The following RNF24 variants were observed in gnomAD, a reference collection of about 807,000 sequenced individuals.
The protein encoded by RNF24 is ring finger protein 24.
In RNF24, 14 loss-of-function variants were observed where a neutral mutation model predicts 20.0. The observed-to-expected ratio is 0.70, with a 90% CI of 0.46 to 1.10. The LOEUF (loss-of-function observed/expected upper bound fraction) is 1.10, where lower values mean the gene tolerates loss of function less well. Ranked by LOEUF, RNF24 falls within the 50% of genes least tolerant of loss-of-function variation. The pLI is 0.00. For synonymous variants in RNF24, 45 were observed against 61.1 expected (o/e 0.74, Z 1.23); for missense variants, 124 against 177.6 (o/e 0.70, Z 1.71).
At chr20:3,966,354 TG>T (rs1236577934) in intron 1 of RNF24, among the ~76,000 whole-genome samples, 1 of 151,906 alleles carries the variant, frequency 6.6e-6, no homozygotes, top group East Asian at 1.9e-4. Flanking sequence ...AATGGGATAA[TG>T]GGATATTCAA....
intron 1 of RNF24, among the ~76,000 whole-genome samples, chr20:3,966,133 C>CAAAA (rs574975352): frequency 2.5e-5 from 2 of 81,468 alleles, no homozygotes; most frequent in African/African-American, 5.0e-5. Context: ...GATTCCATCT[C>CAAAA]AAAAAAAAAA....
chr20:3,945,227 CA>C lies in RNF24; in HGVS notation c.187-10del. 1 of 1,581,970 alleles carries C rather than the reference CA, an allele frequency of 6.3e-7. No individual in the cohort carries two copies. On this transcript the variant is annotated splice_polypyrimidine_tract_variant and intron_variant, in intron 3 of 5. Transcript: ENST00000358395. The stretch of plus-strand genomic sequence containing the variant: ...TTCTCTTTTAATATAACCTGTAAGA[CA>C]AAAAAGTATGTTCTTATGCCCATTT...
chr20:3,934,223 G>T lies in RNF24; in HGVS notation c.309-22C>A, dbSNP rs762710901. 1.2e-6 allele frequency: 2 copies of T among 1,600,948 alleles called. No homozygotes were observed. Among genetic ancestry groups the T allele is most frequent in the South Asian group, 2.2e-5 (2 of 90,204 alleles). On this transcript the variant is annotated intron_variant, in intron 5 of 5. Transcript: ENST00000358395. The surrounding 1 kb of genome is among the most constrained non-coding windows in gnomAD (Gnocchi z 4.0). ...GCACCTGCAGAAGGAGACACCACAG[G>T]GGGAAGATGTCAGTCCTATGCTCAT...
chr20:3,976,833 G>A (rs1978907476), intron 1 of RNF24, among the ~76,000 whole-genome samples: 1 of 152,140 alleles, frequency 6.6e-6, no homozygotes, highest in African/African-American at 2.4e-5. Flanking sequence ...TCCCTGATGT[G>A]ATGGAAACCT....
At chr20:3,944,810 C>G (rs1568619134) in intron 4 of RNF24, among the ~76,000 whole-genome samples, 1 of 152,146 alleles carries the variant, frequency 6.6e-6, no homozygotes, top group South Asian at 2.1e-4. Context: ...TAACTGCTCT[C>G]TTTTTTGTAC....
At position 3,964,026 on chromosome 20, in the gene RNF24, T is replaced by C; in HGVS notation, c.-7-2A>G. 1.2e-6 allele frequency: 2 copies of C among 1,610,178 alleles called. No homozygotes were observed. Among genetic ancestry groups the C allele is most frequent in the Non-Finnish European group, 1.7e-6 (2 of 1,178,864 alleles). Reference sequence around the variant, plus strand: ...GGGAAATCCGAGCTCATGGATGAACTGTGGGGGAAGAAAAGAATGGAAAAA... The same window carrying C: ...GGGAAATCCGAGCTCATGGATGAACCGTGGGGGAAGAAAAGAATGGAAAAA... On this transcript the variant is annotated splice_acceptor_variant, in intron 1 of 5. Coordinates refer to ENST00000358395, the MANE Select transcript of RNF24 (RefSeq NM_001134337.3). LOFTEE classifies it low-confidence loss of function (5UTR_SPLICE).
chr20:3,992,968 C>G lies in RNF24; in HGVS notation c.-8+22469G>C, dbSNP rs1980574292. On this transcript the variant is annotated intron_variant, in intron 1 of 5. Coordinates refer to ENST00000358395, the MANE Select transcript of RNF24 (RefSeq NM_001134337.3). ...ATAAGCACAATTTTAAATATATCAT[C>G]TATGGATTTTGATTACATCCAATGT... is the stretch of plus-strand genomic sequence containing the variant. Among the ~76,000 whole-genome samples the G allele has an allele frequency of 5.9e-5, 9 of 152,136 alleles. No individual in the cohort carries two copies. The South Asian group carries it at 1.9e-3, about 31-fold the overall frequency.
intron 1 of RNF24, among the ~76,000 whole-genome samples, chr20:3,974,614 G>T (rs1021914842): frequency 3.3e-5 from 5 of 151,974 alleles, no homozygotes; most frequent in Non-Finnish European, 7.4e-5. Flanking sequence ...AATTAGCAAT[G>T]AACATAGGAA....
At chr20:3,959,433 C>A (rs796878099) in intron 2 of RNF24, among the ~76,000 whole-genome samples, 4 of 151,988 alleles carry the variant, frequency 2.6e-5, no homozygotes, top group African/African-American at 9.6e-5. Context: ...ATAACTGTAG[C>A]CCCAAAATTT....
chr20:3,943,947 C>T (rs931149754), intron 4 of RNF24, among the ~76,000 whole-genome samples: 4 of 152,126 alleles, frequency 2.6e-5, no homozygotes, highest in Non-Finnish European at 5.9e-5. Flanking sequence ...CCGTGGCTCA[C>T]GCTTGTAATC....
chr20:3,986,119 G>A (rs977869630), intron 1 of RNF24, among the ~76,000 whole-genome samples: 1 of 152,070 alleles, frequency 6.6e-6, no homozygotes, highest in Non-Finnish European at 1.5e-5. Context: ...AGATCTTTAT[G>A]AGACTTCACT....
intron 1 of RNF24, among the ~76,000 whole-genome samples, chr20:3,996,187 A>G (rs181877513): frequency 6.6e-6 from 1 of 152,290 alleles, no homozygotes; most frequent in African/African-American, 2.4e-5. Flanking sequence ...CCAGGGGCTC[A>G]CAGACTCACT....
At chr20:3,949,991 CA>C (rs1340602172) in intron 2 of RNF24, among the ~76,000 whole-genome samples, 3 of 152,180 alleles carry the variant, frequency 2.0e-5, no homozygotes, top group African/African-American at 7.2e-5. Context: ...TTTTTATCCT[CA>C]TATAGACTTT....
At chr20:3,962,893 G>C (rs1392501301) in intron 2 of RNF24, among the ~76,000 whole-genome samples, 1 of 151,866 alleles carries the variant, frequency 6.6e-6, no homozygotes, top group Non-Finnish European at 1.5e-5. Context: ...TAGAGACTGG[G>C]TTTCACCATG....
chr20:3,946,506 T>C (rs2091018820), intron 3 of RNF24, among the ~76,000 whole-genome samples: 1 of 151,684 alleles, frequency 6.6e-6, no homozygotes, highest in South Asian at 2.1e-4. Flanking sequence ...CTGGGCAACA[T>C]GGGGAGACCC....
At position 3,928,096 on chromosome 20, in the gene RNF24, T is replaced by C. The variant is rs1314590053; in HGVS notation, c.*5967A>G. 1 of 152,218 alleles carries C rather than the reference T, an allele frequency of 6.6e-6. No homozygotes were observed. Among genetic ancestry groups the C allele is most frequent in the Non-Finnish European group, 1.5e-5 (1 of 68,052 alleles). 9.4% of individuals were successfully genotyped at this position (152,218 alleles called of 1,614,324 possible). A position where few individuals can be genotyped will look rare whatever the true frequency, so the allele number is the denominator to read the frequency against. On this transcript the variant is annotated 3_prime_UTR_variant, in exon 6 of 6. Coordinates refer to ENST00000358395, the MANE Select transcript of RNF24 (RefSeq NM_001134337.3). Reference sequence around the variant, plus strand: ...ACTAAAGAACCGTGAACCAGCATTTTCCAGTTATCAACTGGATATTTAGGC... The same window carrying C: ...ACTAAAGAACCGTGAACCAGCATTTCCCAGTTATCAACTGGATATTTAGGC...
intron 1 of RNF24, among the ~76,000 whole-genome samples, chr20:3,989,977 G>A (rs189882071): frequency 3.3e-5 from 5 of 152,194 alleles, no homozygotes; most frequent in Non-Finnish European, 5.9e-5. Flanking sequence ...TTAAAGAATA[G>A]CCCAAATTAA....
chr20:3,942,810 T>G (rs1054521491), intron 4 of RNF24, among the ~76,000 whole-genome samples: 17 of 149,068 alleles, frequency 1.1e-4, no homozygotes, highest in African/African-American at 3.9e-4. Context: ...TTACCTGGGA[T>G]GAAGACAGTT....
intron 4 of RNF24, among the ~76,000 whole-genome samples, chr20:3,944,855 A>G (rs539950069): frequency 3.9e-5 from 6 of 152,334 alleles, no homozygotes; most frequent in African/African-American, 1.4e-4. Context: ...AACATTTTCA[A>G]TGGGGAAATT....
Sources: allele counts gnomAD v4.1 joint callset (sites outside exome capture counted in the v4.1 genomes callset), GRCh38; gene constraint gnomAD v4.1.1; non-coding constraint Gnocchi (gnomAD v3.1); transcripts MANE v1.5; gene names NCBI Gene and HGNC (gene_info 2026-07-23, HGNC 2026-07-21).